Variants in RTN1 observed in about 807,000 individuals in gnomAD.
The protein encoded by RTN1 is reticulon-1.
A neutral mutation model predicts 65.5 loss-of-function variants in RTN1; 25 were observed. The ratio of observed to expected loss-of-function variants is 0.38; its 90% CI spans 0.28 to 0.53. The LOEUF is 0.53. Ranked by LOEUF, RTN1 falls within the 20% of genes least tolerant of loss-of-function variation. The pLI is 0.79. For missense variants in RTN1, 983 were observed against 1,025.4 expected (o/e 0.96, Z 0.57); for synonymous variants, 471 against 447.6 (o/e 1.05, Z -0.66).
intron 3 of RTN1, among the ~76,000 whole-genome samples, chr14:59,624,206 TATA>T (rs1882331081): frequency 6.6e-6 from 1 of 152,212 alleles, no homozygotes; most frequent in Non-Finnish European, 1.5e-5. Flanking sequence ...AACTTAAAGA[TATA>T]GCTCAAACAT....
At chr14:59,694,114 G>C (rs1170273279) in intron 3 of RTN1, among the ~76,000 whole-genome samples, 1 of 152,124 alleles carries the variant, frequency 6.6e-6, no homozygotes, top group East Asian at 1.9e-4. Context: ...TTCAGCAAAG[G>C]GTCTTCATCG....
intron 1 of RTN1, among the ~76,000 whole-genome samples, chr14:59,815,475 T>C (rs1840033133): frequency 6.6e-6 from 1 of 152,180 alleles, no homozygotes; most frequent in Non-Finnish European, 1.5e-5. Flanking sequence ...CCCCTACAGT[T>C]GCCATGGTCT....
intron 1 of RTN1, among the ~76,000 whole-genome samples, chr14:59,797,292 T>C (rs931670298): frequency 2.6e-5 from 4 of 152,162 alleles, no homozygotes; most frequent in East Asian, 1.9e-4. Flanking sequence ...GAAAAATTCC[T>C]TTGTCCAACA....
At chr14:59,642,556 C>T (rs564486023) in intron 3 of RTN1, among the ~76,000 whole-genome samples, 1 of 152,112 alleles carries the variant, frequency 6.6e-6, no homozygotes, top group South Asian at 2.1e-4. Flanking sequence ...ATTGAGCTAT[C>T]TTTGAGTTTA....
At chr14:59,826,186 C>G (rs1887027653) in intron 1 of RTN1, among the ~76,000 whole-genome samples, 1 of 152,170 alleles carries the variant, frequency 6.6e-6, no homozygotes, top group Non-Finnish European at 1.5e-5. Context: ...GACTAATGAT[C>G]TCAGTACTTT....
At chr14:59,863,209 A>G (rs1203265183) in intron 1 of RTN1, among the ~76,000 whole-genome samples, 3 of 151,846 alleles carry the variant, frequency 2.0e-5, no homozygotes, top group Non-Finnish European at 4.4e-5. Flanking sequence ...CCATAGCAAA[A>G]AAAAAATACT....
intron 3 of RTN1, among the ~76,000 whole-genome samples, chr14:59,638,459 A>C (rs1882712238): frequency 6.6e-6 from 1 of 152,170 alleles, no homozygotes; most frequent in Non-Finnish European, 1.5e-5. Flanking sequence ...AGTAGATTTA[A>C]CATAATTCTT....
At chr14:59,757,169 A>C (rs1219765094) in intron 1 of RTN1, among the ~76,000 whole-genome samples, 1 of 152,092 alleles carries the variant, frequency 6.6e-6, no homozygotes. Flanking sequence ...CAAAGATGAT[A>C]GTATTAGGAG....
chr14:59,829,022 C>T lies in RTN1; in HGVS notation c.241+41368G>A, dbSNP rs1000435796. Among the ~76,000 whole-genome samples the T allele has an allele frequency of 1.3e-5, 2 of 152,158 alleles. No individual in the cohort carries two copies. The highest frequency in any genetic ancestry group is 4.8e-5 in the African/African-American group (2 of 41,430). On this transcript the variant is annotated intron_variant, in intron 1 of 8. Transcript: ENST00000267484. This position sits in a 1 kb window ranked among gnomAD's most constrained non-coding sequence, Gnocchi z 4.3. Reference sequence around the variant, plus strand: ...GGCTTCCACTATATCCTTGGATGATCCCACTGCTCAATACTGAAGCAGCTG... The same window carrying T: ...GGCTTCCACTATATCCTTGGATGATTCCACTGCTCAATACTGAAGCAGCTG...
chr14:59,608,032 A>G (rs964112413), intron 3 of RTN1, among the ~76,000 whole-genome samples: 1 of 152,156 alleles, frequency 6.6e-6, no homozygotes, highest in African/African-American at 2.4e-5. Flanking sequence ...TCTACATTGC[A>G]TCCACCATTC....
rs901451720 is a variant in RTN1 at position 59,766,002 on chromosome 14, G to A, written c.242-19521C>T. Among the ~76,000 whole-genome samples the A allele has an allele frequency of 2.6e-5, 4 of 152,182 alleles. No individual in the cohort carries two copies. Among genetic ancestry groups the A allele is most frequent in the African/African-American group, 9.7e-5 (4 of 41,448 alleles). On this transcript the variant is annotated intron_variant, in intron 1 of 8. Coordinates refer to ENST00000267484, the MANE Select transcript of RTN1 (RefSeq NM_021136.3). The surrounding 1 kb of genome is among the most constrained non-coding windows in gnomAD (Gnocchi z 4.4). ...CCCAGCACTTTGGGAGGCCTAGGCG[G>A]GTGGATCACCTGAGGTCAGGGGTTC... is the stretch of plus-strand genomic sequence containing the variant.
chr14:59,866,051 A>G (rs973630944), intron 1 of RTN1, among the ~76,000 whole-genome samples: 2 of 152,232 alleles, frequency 1.3e-5, no homozygotes, highest in Admixed American at 6.5e-5. Flanking sequence ...CCTTGTGCCC[A>G]TGGGGTTAGA....
At chr14:59,789,609 T>C (rs1478043887) in intron 1 of RTN1, among the ~76,000 whole-genome samples, 1 of 152,104 alleles carries the variant, frequency 6.6e-6, no homozygotes, top group Non-Finnish European at 1.5e-5. Flanking sequence ...AAATATTCTG[T>C]CCTCCTTAGA....
At chr14:59,856,872 G>A (rs551743502) in intron 1 of RTN1, among the ~76,000 whole-genome samples, 2 of 152,226 alleles carry the variant, frequency 1.3e-5, no homozygotes, top group East Asian at 3.9e-4. Context: ...GCATCTTCTT[G>A]TGTTATCCCA....
At chr14:59,837,313 G>T (rs964217371) in intron 1 of RTN1, among the ~76,000 whole-genome samples, 8 of 151,712 alleles carry the variant, frequency 5.3e-5, no homozygotes, top group Non-Finnish European at 1.2e-4. Flanking sequence ...ACTCAAAATT[G>T]ATTAAATGAT....
chr14:59,774,342 T>C lies in RTN1; in HGVS notation c.242-27861A>G, dbSNP rs1449158784. Among the ~76,000 whole-genome samples, 1 of 152,200 alleles carries C rather than the reference T, an allele frequency of 6.6e-6. No homozygotes were observed. Among genetic ancestry groups the C allele is most frequent in the Admixed American group, 6.6e-5 (1 of 15,262 alleles). On this transcript the variant is annotated intron_variant, in intron 1 of 8. Coordinates refer to ENST00000267484, the MANE Select transcript of RTN1 (RefSeq NM_021136.3). The surrounding 1 kb of genome is among the most constrained non-coding windows in gnomAD (Gnocchi z 5.1). ...TGAATTAAAGTGTAAAAATGATTTA[T>C]AATCTATACAACACTATAGATTATT... is the stretch of plus-strand genomic sequence containing the variant.
chr14:59,637,888 G>A lies in RTN1; in HGVS notation c.1766-30396C>T, dbSNP rs992360055. ...TTTTTCCCGAGATGGAGTTTCACTC[G>A]TCTCCCAGGCTGGAGTGCAGTGGCG... On this transcript the variant is annotated intron_variant, in intron 3 of 8. Coordinates refer to ENST00000267484, the MANE Select transcript of RTN1 (RefSeq NM_021136.3). 2.1e-4 allele frequency among the ~76,000 whole-genome samples: 32 copies of A among 150,964 alleles called. 1 individual carries two copies. The highest frequency in any genetic ancestry group is 1.1e-3 in the South Asian group (5 of 4,738).
At chr14:59,710,580 G>C (rs899981692) in intron 3 of RTN1, among the ~76,000 whole-genome samples, 4 of 152,192 alleles carry the variant, frequency 2.6e-5, no homozygotes, top group African/African-American at 4.8e-5. Context: ...ACTGGATGGT[G>C]AAAAAGCAGC....
At chr14:59,601,492 G>A (rs78534969) in intron 8 of RTN1, among the ~76,000 whole-genome samples, 1,641 of 152,246 alleles carry the variant, frequency 0.011, 18 homozygotes, top group Non-Finnish European at 0.016. Flanking sequence ...TTTTAGGGCT[G>A]AGATCATTTC....
Sources: gnomAD v4.1 joint callset for allele counts (sites outside exome capture counted in the v4.1 genomes callset) on GRCh38, gnomAD v4.1.1 for gene constraint, Gnocchi (gnomAD v3.1) non-coding constraint, MANE v1.5 for transcripts, NCBI Gene and HGNC (gene_info 2026-07-23, HGNC 2026-07-21) for gene names.